COL28A1: variants seen among roughly 807,000 people sequenced by gnomAD.
COL28A1 encodes collagen type XXVIII alpha 1 chain.
COL28A1 carries 161 observed loss-of-function variants against 150.2 expected under a neutral mutation model. The ratio of observed to expected loss-of-function variants is 1.07; its 90% confidence interval spans 0.94 to 1.22. The LOEUF (loss-of-function observed/expected upper bound fraction) is 1.22, where lower values mean the gene tolerates loss of function less well. Ranked by LOEUF, COL28A1 falls within the 50% of genes most tolerant of loss-of-function variation. The probability of loss-of-function intolerance (pLI) is 0.00; values close to 1 mark genes in which losing one functional copy is unlikely to be tolerated. For synonymous variants in COL28A1, 552 were observed against 469.7 expected (o/e 1.18, Z -2.26); for missense variants, 1,617 against 1,388.3 (o/e 1.16, Z -2.62).
rs376064083 is a variant in COL28A1, at chr7:7,444,400, C to T, written c.1581+18G>A. ...TTCAACAGTTCCTACTCCAGTAATA[C>T]GAAAAACTTGGTGTTACCTTCTTCC... On this transcript the variant is annotated intron_variant, in intron 19 of 34. Transcript: ENST00000399429. 3.2e-5 allele frequency: 52 copies of T among 1,613,220 alleles called. No individual in the cohort carries two copies. The Middle Eastern group carries it at 6.6e-4, about 20-fold the overall frequency.
chr7:7,430,949 A>G (rs1583352472), intron 25 of COL28A1, among the ~76,000 whole-genome samples: 1 of 152,310 alleles, frequency 6.6e-6, no homozygotes, highest in East Asian at 1.9e-4. Flanking sequence ...CAGCACTTCC[A>G]GATACATCCT....
intron 34 of COL28A1, among the ~76,000 whole-genome samples, chr7:7,359,182 T>C (rs2109776): frequency 0.62 from 93,533 of 151,946 alleles, 32,804 homozygotes; most frequent in East Asian, 0.87. Flanking sequence ...ATATTTGGAA[T>C]AAAAAATATT....
Position 7,358,434 on chromosome 7 carries a change from ACTTCTC to A in COL28A1, c.*193_*198del. Reference sequence around the variant, plus strand: ...TGGGTGACAGTTGACAAGTTACTAAACTTCTCAGAGCCTCAGCTTTCTTACCTATAT... The same window carrying A: ...TGGGTGACAGTTGACAAGTTACTAAAAGAGCCTCAGCTTTCTTACCTATAT... On this transcript the variant is annotated 3_prime_UTR_variant, in exon 35 of 35. Transcript: ENST00000399429. 1 of 472,184 alleles carries A rather than the reference ACTTCTC, an allele frequency of 2.1e-6. No homozygotes were observed. Among genetic ancestry groups the A allele is most frequent in the South Asian group, 4.2e-5 (1 of 23,776 alleles). The allele number at this position is 472,184 out of a possible 1,614,324, so 29.2% of individuals were successfully genotyped here. A position where few individuals can be genotyped will look rare whatever the true frequency, so the allele number is the denominator to read the frequency against.
intron 15 of COL28A1, among the ~76,000 whole-genome samples, chr7:7,462,439 C>T (rs926578294): frequency 2.0e-5 from 3 of 151,892 alleles, no homozygotes; most frequent in African/African-American, 7.3e-5. Context: ...CAGGAAGGCA[C>T]CAGAGAAAGG....
chr7:7,458,580 T>A (rs1385657606), intron 15 of COL28A1, among the ~76,000 whole-genome samples: 3 of 152,204 alleles, frequency 2.0e-5, no homozygotes, highest in Non-Finnish European at 4.4e-5. Context: ...TTGATCTACA[T>A]AAATATTACG....
intron 3 of COL28A1, among the ~76,000 whole-genome samples, chr7:7,526,590 T>A (rs1213234684): frequency 6.6e-6 from 1 of 152,152 alleles, no homozygotes; most frequent in African/African-American, 2.4e-5. Context: ...TAAAGAAAAA[T>A]TTAAATATTT....
intron 25 of COL28A1, among the ~76,000 whole-genome samples, chr7:7,428,772 G>A (rs1356574436): frequency 6.6e-5 from 10 of 152,198 alleles, no homozygotes; most frequent in Admixed American, 2.6e-4. Context: ...TTTCAAAGGT[G>A]AGTTTAAAAT....
intron 33 of COL28A1, among the ~76,000 whole-genome samples, chr7:7,369,424 G>A (rs985148255): frequency 1.3e-5 from 2 of 152,220 alleles, no homozygotes; most frequent in African/African-American, 4.8e-5. Context: ...GCAGAGCTGA[G>A]TAATTGGAAC....
chr7:7,406,250 T>C (rs769450461), intron 27 of COL28A1, among the ~76,000 whole-genome samples: 3 of 152,192 alleles, frequency 2.0e-5, no homozygotes, highest in African/African-American at 7.2e-5. Context: ...TAATTGTTTG[T>C]TGAATTAAAG....
At chr7:7,405,563 T>C (rs1429152012) in intron 27 of COL28A1, among the ~76,000 whole-genome samples, 3 of 152,152 alleles carry the variant, frequency 2.0e-5, no homozygotes, top group Admixed American at 6.6e-5. Context: ...CATATGCCTT[T>C]TATAAAGTCT....
chr7:7,400,138 T>C (rs58252454), intron 27 of COL28A1, among the ~76,000 whole-genome samples: 2,645 of 152,348 alleles, frequency 0.017, 95 homozygotes, highest in African/African-American at 0.06. Context: ...TTCATGCTGA[T>C]TTAATACTTG....
intron 14 of COL28A1, among the ~76,000 whole-genome samples, chr7:7,475,986 T>A (rs1295846143): frequency 6.6e-6 from 1 of 152,246 alleles, no homozygotes. Context: ...TTATTTGTTT[T>A]TATCTAATTG....
At chr7:7,529,425 T>C (rs1283342836) in intron 3 of COL28A1, among the ~76,000 whole-genome samples, 1 of 152,148 alleles carries the variant, frequency 6.6e-6, no homozygotes, top group Non-Finnish European at 1.5e-5. Context: ...CAGCACCTCC[T>C]TCTAAAAAGT....
At chr7:7,412,031 T>C (rs915744810) in intron 27 of COL28A1, among the ~76,000 whole-genome samples, 1 of 152,170 alleles carries the variant, frequency 6.6e-6, no homozygotes, top group Non-Finnish European at 1.5e-5. Flanking sequence ...GCAATGATTG[T>C]TGACTCTTCA....
intron 33 of COL28A1, among the ~76,000 whole-genome samples, chr7:7,365,612 C>T (rs1015693039): frequency 6.6e-6 from 1 of 152,196 alleles, no homozygotes; most frequent in African/African-American, 2.4e-5. Flanking sequence ...GATTTCCAAA[C>T]ATTTTCCTTG....
At chr7:7,424,213 A>G (rs1403689255) in intron 25 of COL28A1, among the ~76,000 whole-genome samples, 1 of 152,230 alleles carries the variant, frequency 6.6e-6, no homozygotes, top group Non-Finnish European at 1.5e-5. Flanking sequence ...TATATGTACC[A>G]TACTTTGATA....
intron 23 of COL28A1, among the ~76,000 whole-genome samples, chr7:7,433,558 T>A (rs1785130788): frequency 6.7e-6 from 1 of 149,950 alleles, no homozygotes. Flanking sequence ...TGCTTGAACC[T>A]GGGAAGCTGA....
chr7:7,489,599 G>A, intron 12 of COL28A1, 142 bp from the exon 13 acceptor site: 1 of 623,510 alleles, frequency 1.6e-6, no homozygotes, highest in Non-Finnish European at 2.9e-6. Context: ...AAATTCTAGA[G>A]GAAGAGAAAT....
At chr7:7,483,552 G>T (rs1308126549) in intron 13 of COL28A1, among the ~76,000 whole-genome samples, 1 of 152,052 alleles carries the variant, frequency 6.6e-6, no homozygotes, top group Non-Finnish European at 1.5e-5. Flanking sequence ...TTAGCATCAA[G>T]GAAACCCCTG....
Sources: gnomAD v4.1 joint callset for allele counts (sites outside exome capture counted in the v4.1 genomes callset) on GRCh38, gnomAD v4.1.1 for gene constraint, MANE v1.5 for transcripts, NCBI Gene and HGNC (gene_info 2026-07-23, HGNC 2026-07-21) for gene names.